KIFAP3: variants seen among roughly 807,000 people sequenced by gnomAD.
The protein encoded by KIFAP3 is kinesin associated protein 3.
KIFAP3 carries 68 observed loss-of-function variants against 106.5 expected under a neutral mutation model. That is an observed-to-expected ratio of 0.64 (90% confidence interval 0.53 to 0.78). The LOEUF (loss-of-function observed/expected upper bound fraction) is 0.78, where lower values mean the gene tolerates loss of function less well. Among genes scored for constraint, KIFAP3 ranks in the 30% least tolerant of loss-of-function variants. The pLI is 0.00. For missense variants in KIFAP3, 780 were observed against 941.8 expected, an observed-to-expected ratio of 0.83 and a Z score of 2.25; for synonymous variants, 320 against 311.5, an observed-to-expected ratio of 1.03 and a Z score of -0.29.
At chr1:170,010,220 C>G (rs975392414) in intron 10 of KIFAP3, among the ~76,000 whole-genome samples, 2 of 151,838 alleles carry the variant, frequency 1.3e-5, no homozygotes, top group Non-Finnish European at 2.9e-5. Flanking sequence ...AAGGAATATT[C>G]ATATATAAGG....
chr1:170,016,707 T>C (rs1021317790), intron 9 of KIFAP3, 83 bp from the exon 10 acceptor site: 1 of 779,216 alleles, frequency 1.3e-6, no homozygotes, highest in African/African-American at 1.8e-5. Flanking sequence ...TCTTTGTTTT[T>C]ACCCTAATGT....
chr1:170,040,742 C>G (rs1669932008), intron 3 of KIFAP3, among the ~76,000 whole-genome samples: 1 of 152,096 alleles, frequency 6.6e-6, no homozygotes, highest in Non-Finnish European at 1.5e-5. Context: ...ATAAAAATCT[C>G]CCTTGATAAT....
intron 3 of KIFAP3, among the ~76,000 whole-genome samples, chr1:170,046,210 C>CAAAAAAAAAAAAAAAAAAAAAAAAAA (rs60580320): frequency 1.8e-5 from 1 of 56,928 alleles, no homozygotes; most frequent in Non-Finnish European, 3.1e-5. Context: ...TTCTCTGCTG[C>CAAAAAAAAAAAAAAAAAAAAAAAAAA]AAAAAAAAAA....
In KIFAP3 at chr1:169,973,124, A is replaced by ATAG. The variant is rs1361338751; in HGVS notation, c.1898-527_1898-526insCTA. ...TAGTGTGTATATATATATATATATA[A>ATAG]ACAACACAAATCAGGATTAGAAAAC... On this transcript the variant is annotated intron_variant, in intron 16 of 19. Transcript: ENST00000361580. Among the ~76,000 whole-genome samples, 5 of 48,726 alleles carry ATAG rather than the reference A, an allele frequency of 1.0e-4. 1 individual carries two copies. Among genetic ancestry groups the ATAG allele is most frequent in the East Asian group, 1.1e-3 (1 of 928 alleles). The allele number at this position is 48,726 out of a possible 152,430, so 32.0% of individuals were successfully genotyped here. A position where few individuals can be genotyped will look rare whatever the true frequency, so the allele number is the denominator to read the frequency against.
In KIFAP3 at chr1:170,023,755, C is replaced by CA. The variant is rs1259055331; in HGVS notation, c.1020+662dup. On this transcript the variant is annotated intron_variant, in intron 9 of 19. Coordinates refer to ENST00000361580, the MANE Select transcript of KIFAP3 (RefSeq NM_014970.4). ...ATATTTCTATACTATGTATATTCTA[C>CA]ACAGGTGAAAATGATATATGCTCAA... is the stretch of plus-strand genomic sequence containing the variant. Among the ~76,000 whole-genome samples, 6 of 151,994 alleles carry CA rather than the reference C, an allele frequency of 3.9e-5. 1 individual carries two copies. Among genetic ancestry groups the CA allele is most frequent in the Middle Eastern group, 6.8e-3 (2 of 294 alleles).
At chr1:170,045,682 T>G (rs1239848271) in intron 3 of KIFAP3, among the ~76,000 whole-genome samples, 1 of 152,224 alleles carries the variant, frequency 6.6e-6, no homozygotes, top group Non-Finnish European at 1.5e-5. Flanking sequence ...TTCTACAATT[T>G]GAACTAAACC....
intron 17 of KIFAP3, among the ~76,000 whole-genome samples, chr1:169,971,737 A>G (rs972739606): frequency 5.9e-5 from 9 of 152,072 alleles, no homozygotes; most frequent in South Asian, 2.1e-4. Context: ...AGCTAAAGTT[A>G]AACTTTTAAA....
intron 19 of KIFAP3, among the ~76,000 whole-genome samples, chr1:169,945,429 G>A (rs957440054): frequency 6.6e-6 from 1 of 152,166 alleles, no homozygotes; most frequent in Non-Finnish European, 1.5e-5. Context: ...CAGGGGGCAG[G>A]GCTCATGCCT....
intron 18 of KIFAP3, among the ~76,000 whole-genome samples, chr1:169,958,733 G>T (rs1032225144): frequency 6.6e-6 from 1 of 152,108 alleles, no homozygotes; most frequent in South Asian, 2.1e-4. Context: ...TTAGATATAT[G>T]TAGTAGCAAT....
chr1:170,005,184 C>T (rs1363167595), intron 10 of KIFAP3, among the ~76,000 whole-genome samples: 8 of 151,448 alleles, frequency 5.3e-5, no homozygotes, highest in Non-Finnish European at 7.4e-5. Context: ...GTTAGAATGG[C>T]GATCATTAAA....
chr1:170,069,988 C>T (rs1333323845), intron 1 of KIFAP3, among the ~76,000 whole-genome samples: 1 of 151,956 alleles, frequency 6.6e-6, no homozygotes, highest in Non-Finnish European at 1.5e-5. Flanking sequence ...TAGATCAGAA[C>T]ACACCAAAAA....
At chr1:169,945,699 T>C (rs1373855539) in intron 19 of KIFAP3, among the ~76,000 whole-genome samples, 1 of 152,230 alleles carries the variant, frequency 6.6e-6, no homozygotes, top group Non-Finnish European at 1.5e-5. Context: ...TTCTCTTGTT[T>C]CTAAAGTTTC....
intron 19 of KIFAP3, among the ~76,000 whole-genome samples, chr1:169,945,693 CTT>C (rs1033083115): frequency 2.0e-4 from 31 of 152,280 alleles, no homozygotes; most frequent in Admixed American, 7.8e-4. Context: ...CACAACTTCT[CTT>C]GTTTCTAAAG....
intron 5 of KIFAP3, among the ~76,000 whole-genome samples, chr1:170,036,819 TA>T (rs1669714732): frequency 1.3e-5 from 2 of 152,206 alleles, no homozygotes; most frequent in Admixed American, 1.3e-4. Flanking sequence ...AATTAAAATA[TA>T]GTTACAGGAG....
intron 19 of KIFAP3, among the ~76,000 whole-genome samples, chr1:169,924,780 G>A (rs547518377): frequency 9.2e-5 from 14 of 152,170 alleles, no homozygotes; most frequent in Non-Finnish European, 2.1e-4. Context: ...AACCCGGAGA[G>A]TTTTCCTTTA....
At chr1:169,955,272 C>A (rs1022623267) in intron 18 of KIFAP3, among the ~76,000 whole-genome samples, 1 of 152,102 alleles carries the variant, frequency 6.6e-6, no homozygotes, top group African/African-American at 2.4e-5. Flanking sequence ...TGTGCTAGGT[C>A]CTGTGGGAAA....
chr1:169,923,908 G>C (rs1040655635), intron 19 of KIFAP3, among the ~76,000 whole-genome samples: 1 of 152,118 alleles, frequency 6.6e-6, no homozygotes. Flanking sequence ...TGGCCTTTTT[G>C]CAGTTTGGTC....
At chr1:169,964,183 C>A (rs1665482487) in intron 17 of KIFAP3, among the ~76,000 whole-genome samples, 1 of 149,816 alleles carries the variant, frequency 6.7e-6, no homozygotes, top group Admixed American at 6.7e-5. Flanking sequence ...GGAGATAATA[C>A]ATATAAAGCA....
chr1:169,944,720 T>C (rs76004681), intron 19 of KIFAP3, among the ~76,000 whole-genome samples: 23,352 of 152,052 alleles, frequency 0.15, 1,883 homozygotes, highest in Middle Eastern at 0.21. Flanking sequence ...GGCGGCCTGA[T>C]GAGTGTCCAG....
Sources: gnomAD v4.1 joint callset for allele counts (sites outside exome capture counted in the v4.1 genomes callset) on GRCh38, gnomAD v4.1.1 for gene constraint, MANE v1.5 for transcripts, NCBI Gene and HGNC (gene_info 2026-07-23, HGNC 2026-07-21) for gene names.